Variants in UBE2O observed in about 807,000 individuals in gnomAD.
UBE2O encodes the protein (E3-independent) E2 ubiquitin-conjugating enzyme.
Under a neutral mutation model 125.8 loss-of-function variants are expected in UBE2O, and 15 were observed. The ratio of observed to expected loss-of-function variants is 0.12; its 90% CI spans 0.08 to 0.18. The LOEUF is 0.18. UBE2O is among the 10% of genes least tolerant of loss of function. UBE2O has a pLI of 1.00. For synonymous variants in UBE2O, 708 were observed against 703.2 expected, an observed-to-expected ratio of 1.01 and a Z score of -0.11; for missense variants, 1,280 against 1,723.6, an observed-to-expected ratio of 0.74 and a Z score of 4.56.
At chr17:76,420,952 G>A (rs2072701228) in intron 1 of UBE2O, among the ~76,000 whole-genome samples, 1 of 152,024 alleles carries the variant, frequency 6.6e-6, no homozygotes, top group South Asian at 2.1e-4. Flanking sequence ...CCACATCCCT[G>A]CAATTAGGTC....
intron 1 of UBE2O, among the ~76,000 whole-genome samples, chr17:76,425,119 T>A (rs2072785409): frequency 6.6e-6 from 1 of 150,554 alleles, no homozygotes; most frequent in Non-Finnish European, 1.5e-5. Flanking sequence ...GATCCACCCG[T>A]CTGGGCCTCC....
chr17:76,415,829 G>GCA (rs56945001), intron 1 of UBE2O, among the ~76,000 whole-genome samples: 3 of 150,240 alleles, frequency 2.0e-5, no homozygotes, highest in Non-Finnish European at 4.4e-5. Context: ...GTGTGTGTGT[G>GCA]CATACACATA....
chr17:76,424,225 T>TTG (rs2072764078), intron 1 of UBE2O, among the ~76,000 whole-genome samples: 1 of 142,908 alleles, frequency 7.0e-6, no homozygotes, highest in African/African-American at 2.6e-5. Context: ...TTTTTTTTTT[T>TTG]GAGACAGAAT....
intron 1 of UBE2O, among the ~76,000 whole-genome samples, chr17:76,439,299 C>A (rs1028768945): frequency 2.6e-5 from 4 of 152,206 alleles, no homozygotes; most frequent in Non-Finnish European, 5.9e-5. Context: ...TCCTGTGCAG[C>A]CTCGCCTGCC....
intron 1 of UBE2O, among the ~76,000 whole-genome samples, chr17:76,411,283 G>A (rs2072511581): frequency 6.6e-6 from 1 of 152,346 alleles, no homozygotes; most frequent in South Asian, 2.1e-4. Context: ...TGGGATTACA[G>A]GTGTGAGCCG....
intron 1 of UBE2O, among the ~76,000 whole-genome samples, chr17:76,443,292 T>C (rs1185687472): frequency 1.3e-5 from 2 of 151,768 alleles, no homozygotes; most frequent in African/African-American, 2.4e-5. Context: ...AATATATATA[T>C]ATATTTTTTT....
At position 76,408,735 on chromosome 17, in the gene UBE2O, G is replaced by A. The variant is rs143102468; in HGVS notation, c.418-3163C>T. Among the ~76,000 whole-genome samples, 1,138 of 152,284 alleles carry A rather than the reference G, an allele frequency of 7.5e-3. 17 individuals are homozygous for A. The highest frequency in any genetic ancestry group is 0.041 in the South Asian group (200 of 4,828). ...GCAAATGACAGGTGCCAGCCGGCCT[G>A]GCAGGTGAACACTAGAGGGCACTGT... On this transcript the variant is annotated intron_variant, in intron 1 of 17. Transcript: ENST00000319380.
chr17:76,400,349 C>T lies in UBE2O; in HGVS notation c.1005-52G>A. On this transcript the variant is annotated intron_variant, in intron 7 of 17. Transcript: ENST00000319380. The surrounding 1 kb of genome is among the most constrained non-coding windows in gnomAD (Gnocchi z 4.3). ...CTGGGCTGGACTCCTGGGAGGCCAGCAGTGTTCTTAAGCCTCCCCAGGCAT... is the reference window on the plus strand; with the variant it reads ...CTGGGCTGGACTCCTGGGAGGCCAGTAGTGTTCTTAAGCCTCCCCAGGCAT... 2 of 1,602,646 alleles carry T rather than the reference C, an allele frequency of 1.2e-6. No individual in the cohort carries two copies. The highest frequency in any genetic ancestry group is 1.7e-6 in the Non-Finnish European group (2 of 1,172,738).
chr17:76,398,018 TG>T lies in UBE2O; in HGVS notation c.2026-131del. ...CAAGGAACTTAGCTCCTCTGGTAAATGTAACCAGCGGCAGCTCAAGAAGCCT... is the reference window on the plus strand; with the variant it reads ...CAAGGAACTTAGCTCCTCTGGTAAATTAACCAGCGGCAGCTCAAGAAGCCT... On this transcript the variant is annotated intron_variant, in intron 12 of 17. Coordinates refer to ENST00000319380, the MANE Select transcript of UBE2O (RefSeq NM_022066.4). The surrounding 1 kb of genome is among the most constrained non-coding windows in gnomAD (Gnocchi z 5.4). The T allele has an allele frequency of 9.1e-7, 1 of 1,093,642 alleles. No homozygotes were observed. Among genetic ancestry groups the T allele is most frequent in the Non-Finnish European group, 1.3e-6 (1 of 750,596 alleles). The allele number at this position is 1,093,642 out of a possible 1,614,324, so 67.7% of individuals were successfully genotyped here.
Position 76,395,485 on chromosome 17 carries a change from C to A in UBE2O, c.2946+240G>T, listed in dbSNP as rs1308905492. On this transcript the variant is annotated intron_variant, in intron 15 of 17. Coordinates refer to ENST00000319380, the MANE Select transcript of UBE2O (RefSeq NM_022066.4). This position sits in a 1 kb window ranked among gnomAD's most constrained non-coding sequence, Gnocchi z 5.0. The stretch of plus-strand genomic sequence containing the variant: ...GGGATTACGGGTGTGAGCCACTGCG[C>A]CCGGCCGAGAAAGTAATTTTTTAAA... 7 of 451,338 alleles carry A rather than the reference C, an allele frequency of 1.6e-5. No homozygotes were observed. The highest frequency in any genetic ancestry group is 2.7e-5 in the Non-Finnish European group (7 of 255,912). The allele number at this position is 451,338 out of a possible 1,614,324, so 28.0% of individuals were successfully genotyped here.
chr17:76,419,615 G>A (rs1164249587), intron 1 of UBE2O, among the ~76,000 whole-genome samples: 1 of 152,112 alleles, frequency 6.6e-6, no homozygotes, highest in African/African-American at 2.4e-5. Context: ...ACCCACCTCT[G>A]CTCAGGTGGT....
chr17:76,449,592 C>A, intron 1 of UBE2O, among the ~76,000 whole-genome samples: 1 of 151,226 alleles, frequency 6.6e-6, no homozygotes, highest in East Asian at 2.0e-4. Flanking sequence ...AACTCACACA[C>A]AAAAATTTTC....
intron 15 of UBE2O, 149 bp from the exon 16 acceptor site, chr17:76,392,262 G>A (rs2072125960): frequency 1.9e-6 from 1 of 532,466 alleles, no homozygotes. Flanking sequence ...GATGCCACCA[G>A]CAGTGGAGAA....
At chr17:76,444,081 C>T (rs939585854) in intron 1 of UBE2O, among the ~76,000 whole-genome samples, 10 of 151,890 alleles carry the variant, frequency 6.6e-5, no homozygotes, top group African/African-American at 2.4e-4. Flanking sequence ...ATTACTCGGA[C>T]GTGGTGGCGG....
chr17:76,445,708 G>A (rs748771734), intron 1 of UBE2O, among the ~76,000 whole-genome samples: 2 of 152,192 alleles, frequency 1.3e-5, no homozygotes, highest in East Asian at 1.9e-4. Flanking sequence ...ATAACTTGGA[G>A]TAGATAAATC....
At chr17:76,424,550 T>C (rs1474196854) in intron 1 of UBE2O, among the ~76,000 whole-genome samples, 1 of 152,114 alleles carries the variant, frequency 6.6e-6, no homozygotes, top group Non-Finnish European at 1.5e-5. Flanking sequence ...AAATGGTATC[T>C]TGGATATATA....
At chr17:76,440,226 GCA>G (rs1433981768) in intron 1 of UBE2O, among the ~76,000 whole-genome samples, 1 of 152,162 alleles carries the variant, frequency 6.6e-6, no homozygotes, top group Non-Finnish European at 1.5e-5. Flanking sequence ...TAAAAAGAAC[GCA>G]CAGTCTCTCA....
intron 1 of UBE2O, among the ~76,000 whole-genome samples, chr17:76,415,795 CTGTGTG>C (rs34127040): frequency 3.1e-4 from 44 of 143,276 alleles, no homozygotes; most frequent in South Asian, 6.9e-4. Flanking sequence ...CAGAGCAAGA[CTGTGTG>C]TGTGTGTGTG....
chr17:76,439,652 T>A (rs1042253642), intron 1 of UBE2O, among the ~76,000 whole-genome samples: 13 of 152,202 alleles, frequency 8.5e-5, no homozygotes, highest in African/African-American at 3.1e-4. Flanking sequence ...TGGTCCTCAA[T>A]AATTTTTAAG....
Sources: gnomAD v4.1 joint callset for allele counts (sites outside exome capture counted in the v4.1 genomes callset) on GRCh38, gnomAD v4.1.1 for gene constraint, Gnocchi (gnomAD v3.1) non-coding constraint, MANE v1.5 for transcripts, NCBI Gene and HGNC (gene_info 2026-07-23, HGNC 2026-07-21) for gene names.